The following POFUT3 variants were observed in gnomAD, a reference collection of about 807,000 sequenced individuals.
POFUT3 encodes the protein protein O-fucosyltransferase 3.
At chr8:33,312,353 G>A in the POFUT3 span, among the ~76,000 whole-genome samples, 3 of 151,926 alleles carry the variant, frequency 2.0e-5, no homozygotes, top group Admixed American at 6.6e-5. Context: ...AGGCAGAGAT[G>A]GCAGTGATGT....
chr8:33,462,031 G>A, the POFUT3 span, among the ~76,000 whole-genome samples: 2,404 of 149,898 alleles, frequency 0.016, 80 homozygotes, highest in African/African-American at 0.056. Flanking sequence ...GTGGTGGCAC[G>A]CACCCGTAGT....
At chr8:33,328,919 C>A in the POFUT3 span, among the ~76,000 whole-genome samples, 2 of 152,170 alleles carry the variant, frequency 1.3e-5, no homozygotes, top group African/African-American at 4.8e-5. Flanking sequence ...TCAGTAAAGA[C>A]CCCTATACAC....
chr8:33,439,338 G>C, the POFUT3 span, among the ~76,000 whole-genome samples: 2 of 152,030 alleles, frequency 1.3e-5, no homozygotes, highest in African/African-American at 4.8e-5. Context: ...GGGAGGCGGA[G>C]GTTGCAGTGA....
chr8:33,372,971 A>G, the POFUT3 span, among the ~76,000 whole-genome samples: 6 of 152,218 alleles, frequency 3.9e-5, no homozygotes, highest in African/African-American at 1.4e-4. Context: ...AGCATATTGA[A>G]TAGGTGCTAC....
chr8:33,377,810 G>A, the POFUT3 span, among the ~76,000 whole-genome samples: 1 of 152,158 alleles, frequency 6.6e-6, no homozygotes. Flanking sequence ...AAGAGAACGT[G>A]GTTCCTAGCA....
the POFUT3 span, among the ~76,000 whole-genome samples, chr8:33,317,772 G>A: frequency 6.6e-6 from 1 of 151,968 alleles, no homozygotes; most frequent in East Asian, 1.9e-4. Flanking sequence ...CCCCAGTTTG[G>A]GTCTGTAACA....
At chr8:33,391,582 G>A in the POFUT3 span, among the ~76,000 whole-genome samples, 1 of 152,184 alleles carries the variant, frequency 6.6e-6, no homozygotes, top group Non-Finnish European at 1.5e-5. Flanking sequence ...TACAACAGCT[G>A]CTGCTCAAAA....
the POFUT3 span, among the ~76,000 whole-genome samples, chr8:33,358,984 C>G: frequency 6.6e-6 from 1 of 152,162 alleles, no homozygotes; most frequent in Non-Finnish European, 1.5e-5. Flanking sequence ...GACTTCCCAG[C>G]CTCTAGAACT....
chr8:33,398,104 A>G, the POFUT3 span, among the ~76,000 whole-genome samples: 1 of 152,230 alleles, frequency 6.6e-6, no homozygotes, highest in South Asian at 2.1e-4. Flanking sequence ...GGGAGAAAGG[A>G]GTAATTATTT....
the POFUT3 span, among the ~76,000 whole-genome samples, chr8:33,448,504 T>C: frequency 1.3e-5 from 2 of 152,020 alleles, no homozygotes; most frequent in African/African-American, 4.8e-5. Context: ...ACACCTTGGT[T>C]CTCCACTGGT....
At chr8:33,468,746 C>CT in the POFUT3 span, among the ~76,000 whole-genome samples, 1 of 152,194 alleles carries the variant, frequency 6.6e-6, no homozygotes, top group Admixed American at 6.6e-5. Context: ...CTTTTGCATT[C>CT]TTCATGCAGC....
At chr8:33,403,137 T>A in the POFUT3 span, among the ~76,000 whole-genome samples, 2 of 151,684 alleles carry the variant, frequency 1.3e-5, no homozygotes, top group Non-Finnish European at 2.9e-5. Context: ...TGAGCTCAAA[T>A]ACATAAAAGA....
At chr8:33,406,053 T>C in the POFUT3 span, among the ~76,000 whole-genome samples, 1 of 152,064 alleles carries the variant, frequency 6.6e-6, no homozygotes, top group Admixed American at 6.5e-5. Flanking sequence ...AGATATTAGA[T>C]AGAGAAATAA....
chr8:33,334,816 T>C, the POFUT3 span, among the ~76,000 whole-genome samples: 6 of 152,158 alleles, frequency 3.9e-5, no homozygotes, highest in South Asian at 2.1e-4. Context: ...CTTTAGGAGG[T>C]GTTCAGTGTG....
chr8:33,461,921 A>G, the POFUT3 span, among the ~76,000 whole-genome samples: 1 of 151,642 alleles, frequency 6.6e-6, no homozygotes, highest in African/African-American at 2.4e-5. Flanking sequence ...GCACTTTGTG[A>G]GGCCAAGGCA....
At chr8:33,309,167 AATATATATAT>A in the POFUT3 span, among the ~76,000 whole-genome samples, 2 of 53,690 alleles carry the variant, frequency 3.7e-5, no homozygotes, top group African/African-American at 1.8e-4. Flanking sequence ...AAAAAAAAAA[AATATATATAT>A]ATATATATAT....
the POFUT3 span, among the ~76,000 whole-genome samples, chr8:33,367,706 AT>A: frequency 6.6e-6 from 1 of 152,160 alleles, no homozygotes; most frequent in East Asian, 1.9e-4. Flanking sequence ...GGGCATTCTT[AT>A]GTAAAACTGG....
At chr8:33,443,035 C>T in the POFUT3 span, among the ~76,000 whole-genome samples, 89,415 of 151,760 alleles carry the variant, frequency 0.59, 26,627 homozygotes, top group African/African-American at 0.64. Context: ...ATCAGTTGAG[C>T]CTGAGAGGCA....
the POFUT3 span, among the ~76,000 whole-genome samples, chr8:33,361,748 G>A: frequency 2.6e-5 from 4 of 152,078 alleles, no homozygotes; most frequent in African/African-American, 4.8e-5. Flanking sequence ...AATATTCTGA[G>A]TAATGCAAAA....
Sources: gnomAD v4.1 joint callset for allele counts (sites outside exome capture counted in the v4.1 genomes callset) on GRCh38, gnomAD v4.1.1 for gene constraint, MANE v1.5 for transcripts, NCBI Gene and HGNC (gene_info 2026-07-23, HGNC 2026-07-21) for gene names.